Variants in GRM7 observed in about 807,000 individuals in gnomAD.
GRM7 encodes the protein metabotropic glutamate receptor 7.
Under a neutral mutation model 84.5 loss-of-function variants are expected in GRM7, and 35 were observed. The ratio of observed to expected loss-of-function variants is 0.41; its 90% CI spans 0.32 to 0.55. The LOEUF is 0.55. GRM7 is among the 20% of genes least tolerant of loss of function. The probability of loss-of-function intolerance (pLI) is 0.19; values close to 1 mark genes in which losing one functional copy is unlikely to be tolerated. For synonymous variants in GRM7, 487 were observed against 455.1 expected, an observed-to-expected ratio of 1.07 and a Z score of -0.89; for missense variants, 1,003 against 1,194.6, an observed-to-expected ratio of 0.84 and a Z score of 2.36.
intron 4 of GRM7, among the ~76,000 whole-genome samples, chr3:7,347,620 T>C (rs1692949245): frequency 6.6e-6 from 1 of 152,174 alleles, no homozygotes; most frequent in South Asian, 2.1e-4. Context: ...TCTCAGCATC[T>C]CAATACTCAA....
chr3:7,642,290 G>T (rs1474755909), intron 8 of GRM7, among the ~76,000 whole-genome samples: 1 of 152,066 alleles, frequency 6.6e-6, no homozygotes, highest in African/African-American at 2.4e-5. Flanking sequence ...TTAGAGAGGG[G>T]TAGAGTTTGT....
chr3:7,230,549 C>G (rs1697160283), intron 2 of GRM7, among the ~76,000 whole-genome samples: 1 of 152,116 alleles, frequency 6.6e-6, no homozygotes, highest in East Asian at 1.9e-4. Flanking sequence ...AACTTTAATT[C>G]TTCTCTTGCA....
chr3:7,590,288 C>G (rs1274170372), intron 8 of GRM7, among the ~76,000 whole-genome samples: 1 of 152,150 alleles, frequency 6.6e-6, no homozygotes, highest in Non-Finnish European at 1.5e-5. Context: ...CAGACTCTTT[C>G]TTAGAGCCCA....
intron 7 of GRM7, among the ~76,000 whole-genome samples, chr3:7,570,660 C>A (rs1281305451): frequency 1.3e-5 from 2 of 152,222 alleles, no homozygotes; most frequent in Admixed American, 6.5e-5. Context: ...GGCTTTTCCA[C>A]ACACACGATA....
rs1433999212 is a variant in GRM7, at chr3:6,861,150, G to GGTGAGC, written c.-237_-232dup. The GGTGAGC allele has an allele frequency of 1.2e-5, 5 of 426,850 alleles. No homozygotes were observed. Among genetic ancestry groups the GGTGAGC allele is most frequent in the Non-Finnish European group, 2.0e-5 (5 of 244,458 alleles). 26.4% of individuals were successfully genotyped at this position (426,850 alleles called of 1,614,324 possible). On this transcript the variant is annotated 5_prime_UTR_variant, in exon 1 of 10. Coordinates refer to ENST00000357716, the MANE Select transcript of GRM7 (RefSeq NM_000844.4). The surrounding 1 kb of genome is among the most constrained non-coding windows in gnomAD (Gnocchi z 6.4). ...TGTTGGAGAGAGCGAGCAGCAAGCC[G>GGTGAGC]GTGAGCGCGAGCGCGGCGCGCCGGC... is the stretch of plus-strand genomic sequence containing the variant.
At chr3:6,943,054 G>C (rs1442491939) in intron 1 of GRM7, among the ~76,000 whole-genome samples, 3 of 151,836 alleles carry the variant, frequency 2.0e-5, no homozygotes, top group Non-Finnish European at 2.9e-5. Flanking sequence ...TCCACTTTTT[G>C]GTAAGTTGGT....
At chr3:6,903,228 A>C (rs1183825903) in intron 1 of GRM7, among the ~76,000 whole-genome samples, 1 of 148,668 alleles carries the variant, frequency 6.7e-6, no homozygotes, top group Non-Finnish European at 1.5e-5. Context: ...TGGTCTTCCC[A>C]TTCCTGTGCC....
At position 7,522,778 on chromosome 3, in the gene GRM7, G is replaced by A. The variant is rs142834534; in HGVS notation, c.1516-55644G>A. On this transcript the variant is annotated intron_variant, in intron 7 of 9. Transcript: ENST00000357716. Reference sequence around the variant, plus strand: ...TGAGTTGTGTCTCTGAAATTTGTACGTCAAAGTCCTAACCCCCAATGTATG... The same window carrying A: ...TGAGTTGTGTCTCTGAAATTTGTACATCAAAGTCCTAACCCCCAATGTATG... 1.1e-3 allele frequency among the ~76,000 whole-genome samples: 173 copies of A among 152,236 alleles called. 1 individual carries two copies. Among genetic ancestry groups the A allele is most frequent in the South Asian group, 6.8e-3 (33 of 4,830 alleles).
chr3:7,502,044 GAAAT>G (rs1171996195), intron 7 of GRM7, among the ~76,000 whole-genome samples: 1 of 152,208 alleles, frequency 6.6e-6, no homozygotes, highest in Non-Finnish European at 1.5e-5. Flanking sequence ...AAACTGGACT[GAAAT>G]TCTGGCCCTT....
At chr3:6,945,230 A>T (rs1160117014) in intron 1 of GRM7, among the ~76,000 whole-genome samples, 1 of 141,686 alleles carries the variant, frequency 7.1e-6, no homozygotes, top group Admixed American at 7.4e-5. Flanking sequence ...ACCCCACAAC[A>T]GTCCCCAGTG....
intron 1 of GRM7, among the ~76,000 whole-genome samples, chr3:6,952,365 G>T (rs1692818452): frequency 6.6e-6 from 1 of 152,114 alleles, no homozygotes; most frequent in Non-Finnish European, 1.5e-5. Context: ...TGATTTCTTT[G>T]CATGCATGCA....
intron 1 of GRM7, among the ~76,000 whole-genome samples, chr3:6,889,079 T>G (rs961292634): frequency 2.6e-5 from 4 of 152,220 alleles, no homozygotes; most frequent in Admixed American, 1.3e-4. Context: ...GTACATTGAT[T>G]TTGTATCCTG....
At chr3:7,594,294 G>T (rs1168938356) in intron 8 of GRM7, among the ~76,000 whole-genome samples, 4 of 152,084 alleles carry the variant, frequency 2.6e-5, no homozygotes, top group Admixed American at 2.6e-4. Flanking sequence ...TAGCCAAAAT[G>T]TAGGTCCATG....
At chr3:7,026,993 A>G (rs1188545180) in intron 1 of GRM7, among the ~76,000 whole-genome samples, 5 of 152,216 alleles carry the variant, frequency 3.3e-5, no homozygotes, top group Admixed American at 6.5e-5. Context: ...GCTTTGGCTC[A>G]TGCCATCCTC....
chr3:6,913,763 C>T (rs1696852190), intron 1 of GRM7, among the ~76,000 whole-genome samples: 1 of 152,134 alleles, frequency 6.6e-6, no homozygotes, highest in African/African-American at 2.4e-5. Context: ...TGCAACCACT[C>T]AGTTTTCCAC....
At chr3:6,874,897 C>T (rs1385355061) in intron 1 of GRM7, among the ~76,000 whole-genome samples, 1 of 152,146 alleles carries the variant, frequency 6.6e-6, no homozygotes, top group Non-Finnish European at 1.5e-5. Flanking sequence ...TTAAGAATCC[C>T]CACATGTTCC....
At chr3:7,043,694 C>G (rs1696707161) in intron 1 of GRM7, among the ~76,000 whole-genome samples, 1 of 152,166 alleles carries the variant, frequency 6.6e-6, no homozygotes, top group Admixed American at 6.5e-5. Context: ...TTTTAACATC[C>G]CACACATAAT....
intron 8 of GRM7, among the ~76,000 whole-genome samples, chr3:7,642,906 C>A (rs2125106016): frequency 6.6e-6 from 1 of 152,130 alleles, no homozygotes; most frequent in South Asian, 2.1e-4. Context: ...TGGTCCCTAA[C>A]AATTGTTATC....
intron 5 of GRM7, 130 bp downstream of exon 5, chr3:7,415,293 A>G (rs562714380): frequency 9.3e-5 from 70 of 752,308 alleles, no homozygotes; most frequent in Non-Finnish European, 1.4e-4. Flanking sequence ...TAGATTGTTC[A>G]GAAAATGGAA....
Sources: allele counts gnomAD v4.1 joint callset (sites outside exome capture counted in the v4.1 genomes callset), GRCh38; gene constraint gnomAD v4.1.1; non-coding constraint Gnocchi (gnomAD v3.1); transcripts MANE v1.5; gene names NCBI Gene and HGNC (gene_info 2026-07-23, HGNC 2026-07-21).